PCDHA13: variants seen among roughly 807,000 people sequenced by gnomAD.
PCDHA13 encodes the protein protocadherin alpha 13.
A neutral mutation model predicts 64.8 loss-of-function variants in PCDHA13; 54 were observed. The observed-to-expected ratio is 0.83, with a 90% CI of 0.67 to 1.04. PCDHA13 has a LOEUF of 1.04. Among genes scored for constraint, PCDHA13 ranks in the 50% least tolerant of loss-of-function variants. The probability of loss-of-function intolerance (pLI) is 0.00; values close to 1 mark genes in which losing one functional copy is unlikely to be tolerated. For missense variants in PCDHA13, 1,248 were observed against 1,254.3 expected (o/e 0.99, Z 0.08); for synonymous variants, 587 against 564.4 (o/e 1.04, Z -0.57).
chr5:140,976,743 C>A (rs782329745), intron 1 of PCDHA13, among the ~76,000 whole-genome samples: 16 of 152,116 alleles, frequency 1.1e-4, no homozygotes, highest in Non-Finnish European at 1.5e-4. Context: ...ATTTTAAAAA[C>A]CTCCCAGATG....
intron 1 of PCDHA13, chr5:140,966,610 C>A: frequency 1.4e-6 from 1 of 715,490 alleles, no homozygotes; most frequent in Non-Finnish European, 2.1e-6. Context: ...CTTGGGAGGG[C>A]CTACGGAGGG....
At chr5:140,914,339 C>T (rs1554196289) in intron 1 of PCDHA13, among the ~76,000 whole-genome samples, 1 of 152,130 alleles carries the variant, frequency 6.6e-6, no homozygotes, top group East Asian at 1.9e-4. Flanking sequence ...CCTTCTTTGT[C>T]TCTTTTTGGA....
intron 3 of PCDHA13, among the ~76,000 whole-genome samples, chr5:141,007,792 C>A (rs2098346636): frequency 6.6e-6 from 1 of 152,166 alleles, no homozygotes. Flanking sequence ...TACAAATTAG[C>A]CTTTATCTGC....
intron 1 of PCDHA13, among the ~76,000 whole-genome samples, chr5:140,909,158 A>G (rs2074345366): frequency 6.6e-6 from 1 of 152,338 alleles, no homozygotes; most frequent in Non-Finnish European, 1.5e-5. Flanking sequence ...TATGGAAGGG[A>G]AAATCAATCA....
At chr5:141,008,159 G>A (rs1352277469) in intron 3 of PCDHA13, among the ~76,000 whole-genome samples, 1 of 152,138 alleles carries the variant, frequency 6.6e-6, no homozygotes, top group East Asian at 1.9e-4. Flanking sequence ...TTGATAAGAT[G>A]AGGACTAAAA....
At chr5:140,914,263 G>T (rs950921953) in intron 1 of PCDHA13, among the ~76,000 whole-genome samples, 2 of 151,932 alleles carry the variant, frequency 1.3e-5, no homozygotes, top group South Asian at 2.1e-4. Flanking sequence ...TTCAATGGTG[G>T]GTGCATATAT....
intron 2 of PCDHA13, among the ~76,000 whole-genome samples, chr5:140,979,303 C>A (rs1048294748): frequency 6.6e-6 from 1 of 152,148 alleles, no homozygotes; most frequent in Non-Finnish European, 1.5e-5. Context: ...CTCCTTCATC[C>A]CTCTCTACCT....
At chr5:140,968,086 A>G (rs2096217656) in intron 1 of PCDHA13, 1 of 1,614,058 alleles carries the variant, frequency 6.2e-7, no homozygotes, top group African/African-American at 1.3e-5. Context: ...TCACGGTGAC[A>G]GCCACAGATG....
rs552289184 is a variant in PCDHA13, at chr5:140,942,884, T to C, written c.2395-36065T>C. 7.9e-5 allele frequency among the ~76,000 whole-genome samples: 12 copies of C among 152,178 alleles called. No individual in the cohort carries two copies. In the East Asian group the frequency reaches 2.3e-3, roughly 29 times the overall value. ...TGCTTTAGCATGACAACTTTTTTCC[T>C]AAAATTTATCTCTAAGAATAAGCGT... On this transcript the variant is annotated intron_variant, in intron 1 of 3. Transcript: ENST00000289272.
intron 2 of PCDHA13, among the ~76,000 whole-genome samples, chr5:140,979,920 C>T (rs1554241253): frequency 6.6e-6 from 1 of 152,206 alleles, no homozygotes; most frequent in Non-Finnish European, 1.5e-5. Flanking sequence ...AAGAGAAAGC[C>T]TACAAAGTAT....
At chr5:140,885,930 A>AT (rs1188534786) in intron 1 of PCDHA13, among the ~76,000 whole-genome samples, 1 of 152,104 alleles carries the variant, frequency 6.6e-6, no homozygotes, top group African/African-American at 2.4e-5. Flanking sequence ...CTGTTTATCT[A>AT]TTTTTTGACA....
At chr5:140,962,170 C>T (rs1326323755) in intron 1 of PCDHA13, among the ~76,000 whole-genome samples, 6 of 152,194 alleles carry the variant, frequency 3.9e-5, no homozygotes, top group South Asian at 4.1e-4. Context: ...CCACCACACC[C>T]GGCCACTTAT....
intron 2 of PCDHA13, 125 bp downstream of exon 2, chr5:140,979,132 A>T: frequency 4.8e-6 from 7 of 1,471,500 alleles, no homozygotes; most frequent in Non-Finnish European, 6.3e-6. Context: ...TGCCAGGAAA[A>T]TGCAATTATT....
intron 1 of PCDHA13, among the ~76,000 whole-genome samples, chr5:140,919,944 A>T (rs1554199311): frequency 6.6e-6 from 1 of 151,622 alleles, no homozygotes; most frequent in Non-Finnish European, 1.5e-5. Flanking sequence ...AATTCCAGTG[A>T]AAAGTTTGTT....
chr5:140,937,317 G>C (rs1282380622), intron 1 of PCDHA13, among the ~76,000 whole-genome samples: 1 of 152,048 alleles, frequency 6.6e-6, no homozygotes, highest in Non-Finnish European at 1.5e-5. Context: ...GATTACAGGC[G>C]TGAGCCACCG....
At chr5:140,968,474 G>A (rs1394773296) in intron 1 of PCDHA13, 2 of 1,614,110 alleles carry the variant, frequency 1.2e-6, no homozygotes, top group Non-Finnish European at 1.7e-6. Flanking sequence ...CGTATATGTG[G>A]TGGACATGAA....
At chr5:140,969,284 G>T (rs782449740) in intron 1 of PCDHA13, 1 of 1,614,216 alleles carries the variant, frequency 6.2e-7, no homozygotes, top group Non-Finnish European at 8.5e-7. Flanking sequence ...TGGTCAGAAT[G>T]CTGGGAACCT....
At chr5:140,967,155 C>A (rs1554229255) in intron 1 of PCDHA13, 1 of 1,610,598 alleles carries the variant, frequency 6.2e-7, no homozygotes, top group Admixed American at 1.7e-5. Context: ...AACCCCGTGG[C>A]GGTGAGCGCC....
At chr5:140,903,416 T>A (rs2070284951) in intron 1 of PCDHA13, among the ~76,000 whole-genome samples, 1 of 152,184 alleles carries the variant, frequency 6.6e-6, no homozygotes, top group Admixed American at 6.5e-5. Flanking sequence ...TCAGGAAAAA[T>A]TCAGCACAAT....
Sources: allele counts gnomAD v4.1 joint callset (sites outside exome capture counted in the v4.1 genomes callset), GRCh38; gene constraint gnomAD v4.1.1; transcripts MANE v1.5; gene names NCBI Gene and HGNC (gene_info 2026-07-23, HGNC 2026-07-21).